The following MECOM variants were observed in gnomAD, a reference collection of about 807,000 sequenced individuals.
MECOM encodes MDS1 and EVI1 complex locus, also known as histone-lysine N-methyltransferase MECOM.
A neutral mutation model predicts 116.3 loss-of-function variants in MECOM; 13 were observed. The ratio of observed to expected loss-of-function variants is 0.11; its 90% CI spans 0.07 to 0.18. MECOM has a LOEUF of 0.18. MECOM is among the 10% of genes least tolerant of loss of function. The pLI is 1.00. For missense variants in MECOM, 1,299 were observed against 1,509.0 expected, an observed-to-expected ratio of 0.86 and a Z score of 2.31; for synonymous variants, 528 against 535.2, an observed-to-expected ratio of 0.99 and a Z score of 0.19.
intron 1 of MECOM, among the ~76,000 whole-genome samples, chr3:169,475,926 G>A (rs1750302041): frequency 6.6e-6 from 1 of 152,124 alleles, no homozygotes; most frequent in South Asian, 2.1e-4. Context: ...ATCAGATAAA[G>A]ATAAATAAAA....
At chr3:169,447,432 A>C (rs1744834237) in intron 1 of MECOM, among the ~76,000 whole-genome samples, 1 of 152,102 alleles carries the variant, frequency 6.6e-6, no homozygotes, top group Non-Finnish European at 1.5e-5. Context: ...GTTATCTACT[A>C]TCTCCCCCCA....
chr3:169,239,620 T>TG (rs1165862101), intron 2 of MECOM, among the ~76,000 whole-genome samples: 1 of 152,020 alleles, frequency 6.6e-6, no homozygotes, highest in Non-Finnish European at 1.5e-5. Context: ...ATATTTATTT[T>TG]GGGGGGTGTC....
intron 2 of MECOM, among the ~76,000 whole-genome samples, chr3:169,220,578 G>A (rs142551218): frequency 0.042 from 6,369 of 151,992 alleles, 198 homozygotes; most frequent in Middle Eastern, 0.068. Context: ...AGGTTCTAGC[G>A]ATTCTCCTGC....
At chr3:169,447,932 A>T (rs1250015966) in intron 1 of MECOM, 1 of 152,332 alleles carries the variant, frequency 6.6e-6, no homozygotes, top group African/African-American at 2.4e-5. Context: ...ATGAAGCTGA[A>T]ATGGTAAGTC....
At chr3:169,491,669 G>A (rs1312657621) in intron 1 of MECOM, among the ~76,000 whole-genome samples, 2 of 152,154 alleles carry the variant, frequency 1.3e-5, no homozygotes, top group African/African-American at 4.8e-5. Context: ...AACACAGTCA[G>A]CATTGTTACC....
At chr3:169,375,280 A>T (rs555999950) in intron 2 of MECOM, among the ~76,000 whole-genome samples, 1 of 152,238 alleles carries the variant, frequency 6.6e-6, no homozygotes, top group South Asian at 2.1e-4. Context: ...AAGCAAGAGC[A>T]AACAAATTCA....
intron 2 of MECOM, among the ~76,000 whole-genome samples, chr3:169,245,945 C>T (rs1755530377): frequency 6.6e-6 from 1 of 152,162 alleles, no homozygotes; most frequent in African/African-American, 2.4e-5. Flanking sequence ...CTGGTAGTTC[C>T]CAGCTTGTCT....
At chr3:169,217,616 G>A (rs943443419) in intron 2 of MECOM, among the ~76,000 whole-genome samples, 27 of 151,364 alleles carry the variant, frequency 1.8e-4, no homozygotes, top group East Asian at 7.8e-4. Flanking sequence ...AAACCCCGTC[G>A]CCACTAAAAA....
intron 2 of MECOM, among the ~76,000 whole-genome samples, chr3:169,248,995 C>T (rs1398944260): frequency 2.0e-5 from 3 of 152,156 alleles, no homozygotes; most frequent in African/African-American, 7.2e-5. Context: ...CTCTCCATCC[C>T]ATTTATAGGC....
rs576384764 is a variant in MECOM at position 169,164,211 on chromosome 3, T to A, written c.376-20379A>T. Among the ~76,000 whole-genome samples the A allele has an allele frequency of 3.3e-5, 5 of 152,244 alleles. No individual in the cohort carries two copies. In the South Asian group the frequency reaches 1.0e-3, roughly 32 times the overall value. On this transcript the variant is annotated intron_variant, in intron 2 of 16. Coordinates refer to ENST00000651503, the MANE Select transcript of MECOM (RefSeq NM_004991.4). ...GATGATTGAATTATGAGGGTGGGTCTGTCCTGCACCATCCTCATGACAGTG... is the reference window on the plus strand; with the variant it reads ...GATGATTGAATTATGAGGGTGGGTCAGTCCTGCACCATCCTCATGACAGTG...
At chr3:169,246,963 T>C (rs1755658639) in intron 2 of MECOM, among the ~76,000 whole-genome samples, 1 of 152,232 alleles carries the variant, frequency 6.6e-6, no homozygotes, top group Non-Finnish European at 1.5e-5. Flanking sequence ...ATGAATAATA[T>C]TATGAAACAT....
At chr3:169,363,569 C>T (rs925574434) in intron 2 of MECOM, among the ~76,000 whole-genome samples, 1 of 151,868 alleles carries the variant, frequency 6.6e-6, no homozygotes, top group Non-Finnish European at 1.5e-5. Flanking sequence ...GCTTCCTGAA[C>T]TTTATTGCCT....
In MECOM at chr3:169,181,491, C is replaced by T. The variant is rs142268840; in HGVS notation, c.376-37659G>A. ...ATGGTTCCAGAGGAACAGGTCAGCC[C>T]TTGATTCCACACACCAACTCTTAAC... is the stretch of plus-strand genomic sequence containing the variant. On this transcript the variant is annotated intron_variant, in intron 2 of 16. Transcript: ENST00000651503. Among the ~76,000 whole-genome samples the T allele has an allele frequency of 2.0e-5, 3 of 152,246 alleles. No homozygotes were observed. In the East Asian group the frequency reaches 5.8e-4, roughly 29 times the overall value.
intron 1 of MECOM, among the ~76,000 whole-genome samples, chr3:169,471,179 A>G (rs1487863858): frequency 6.6e-6 from 1 of 151,912 alleles, no homozygotes; most frequent in Non-Finnish European, 1.5e-5. Context: ...TTTTGTAGAG[A>G]TAGGGTTTAG....
intron 4 of MECOM, 74 bp downstream of exon 4, chr3:169,131,355 C>A (rs1318097374): frequency 1.6e-6 from 2 of 1,252,946 alleles, no homozygotes; most frequent in Non-Finnish European, 2.3e-6. Flanking sequence ...ACACCAGGAA[C>A]AATGGATGCT....
intron 1 of MECOM, among the ~76,000 whole-genome samples, chr3:169,432,344 G>C (rs1186949194): frequency 6.6e-6 from 1 of 152,106 alleles, no homozygotes; most frequent in East Asian, 1.9e-4. Flanking sequence ...TTTTGGTAGA[G>C]ACAGGGTTTC....
chr3:169,182,125 T>G (rs1172924081), intron 2 of MECOM, among the ~76,000 whole-genome samples: 3 of 152,194 alleles, frequency 2.0e-5, no homozygotes, highest in African/African-American at 7.2e-5. Context: ...GCTGAGATGT[T>G]TACGATTAAT....
intron 2 of MECOM, among the ~76,000 whole-genome samples, chr3:169,376,899 AG>A (rs1731134881): frequency 6.6e-6 from 1 of 152,190 alleles, no homozygotes. Context: ...ACAAAGCTGG[AG>A]GTGTCACGCT....
intron 2 of MECOM, among the ~76,000 whole-genome samples, chr3:169,273,233 G>A (rs1759167406): frequency 6.6e-6 from 1 of 151,796 alleles, no homozygotes; most frequent in African/African-American, 2.4e-5. Flanking sequence ...ACAAAGCAAG[G>A]GTATACAAAA....
Sources: allele counts gnomAD v4.1 joint callset (sites outside exome capture counted in the v4.1 genomes callset), GRCh38; gene constraint gnomAD v4.1.1; transcripts MANE v1.5; gene names NCBI Gene and HGNC (gene_info 2026-07-23, HGNC 2026-07-21).